SLC8A2: variants seen among roughly 807,000 people sequenced by gnomAD.
SLC8A2 encodes the protein sodium/calcium exchanger 2.
Under a neutral mutation model 70.2 loss-of-function variants are expected in SLC8A2, and 14 were observed. The observed-to-expected ratio is 0.20, with a 90% CI of 0.13 to 0.31. The LOEUF (loss-of-function observed/expected upper bound fraction) is 0.31, where lower values mean the gene tolerates loss of function less well. Among genes scored for constraint, SLC8A2 ranks in the 10% least tolerant of loss-of-function variants. The probability of loss-of-function intolerance (pLI) is 1.00; values close to 1 mark genes in which losing one functional copy is unlikely to be tolerated. For missense variants in SLC8A2, 779 were observed against 1,320.1 expected (o/e 0.59, Z 6.35); for synonymous variants, 575 against 594.3 (o/e 0.97, Z 0.47).
chr19:47,461,370 G>A (rs1288126198), intron 2 of SLC8A2, among the ~76,000 whole-genome samples: 2 of 151,994 alleles, frequency 1.3e-5, no homozygotes, highest in African/African-American at 2.4e-5. Context: ...TCAGCCAGGT[G>A]TGGTGGCGTG....
intron 6 of SLC8A2, among the ~76,000 whole-genome samples, chr19:47,440,519 C>A (rs1418178249): frequency 6.6e-6 from 1 of 152,298 alleles, no homozygotes; most frequent in South Asian, 2.1e-4. Flanking sequence ...CTCTGCCTCC[C>A]GGGTTCAAGC....
intron 6 of SLC8A2, among the ~76,000 whole-genome samples, chr19:47,439,854 G>A (rs957002472): frequency 2.6e-5 from 4 of 152,132 alleles, no homozygotes; most frequent in African/African-American, 9.7e-5. Flanking sequence ...AGTAGAGACA[G>A]GGTTTCACCA....
At position 47,452,427 on chromosome 19, in the gene SLC8A2, AGAGAGAGAGAGAGAGAGAGTGT is replaced by A. The variant is rs746030972; in HGVS notation, c.1341-4218_1341-4197del. ...GAGAGAGAGAGAGAGAGAGAGAGAG[AGAGAGAGAGAGAGAGAGAGTGT>A]GTGTGTGTGTGTGTGTGTGTGTGTG... On this transcript the variant is annotated intron_variant, in intron 3 of 9. Transcript: ENST00000236877. 3.3e-3 allele frequency among the ~76,000 whole-genome samples: 402 copies of A among 120,396 alleles called. 2 individuals are homozygous for A. Among genetic ancestry groups the A allele is most frequent in the African/African-American group, 6.4e-3 (199 of 31,262 alleles). The allele number at this position is 120,396 out of a possible 152,430, so 79.0% of individuals were successfully genotyped here.
At chr19:47,439,487 C>G (rs11881944) in intron 6 of SLC8A2, among the ~76,000 whole-genome samples, 1 of 151,876 alleles carries the variant, frequency 6.6e-6, no homozygotes, top group Non-Finnish European at 1.5e-5. Context: ...GAGCCGAGAT[C>G]GCACCATTGC....
chr19:47,451,894 C>T (rs1005738329), intron 3 of SLC8A2, among the ~76,000 whole-genome samples: 4 of 152,100 alleles, frequency 2.6e-5, no homozygotes, highest in African/African-American at 9.7e-5. Flanking sequence ...GAAACTGATC[C>T]AGACTGAAGG....
chr19:47,465,166 G>A lies in SLC8A2; in HGVS notation c.675+563C>T, dbSNP rs1355383434. On this transcript the variant is annotated intron_variant, in intron 2 of 9. Coordinates refer to ENST00000236877, the MANE Select transcript of SLC8A2 (RefSeq NM_015063.3). This position sits in a 1 kb window ranked among gnomAD's most constrained non-coding sequence, Gnocchi z 5.5. ...TGCAGATGTAGGTATATATCTATGCGAGCCCATGGATAAATTATGCAAATT... is the reference window on the plus strand; with the variant it reads ...TGCAGATGTAGGTATATATCTATGCAAGCCCATGGATAAATTATGCAAATT... 6.6e-6 allele frequency among the ~76,000 whole-genome samples: 1 copy of A among 152,126 alleles called. No homozygotes were observed. Among genetic ancestry groups the A allele is most frequent in the African/African-American group, 2.4e-5 (1 of 41,408 alleles).
rs973539695 is a variant in SLC8A2, at chr19:47,448,376, CAAGT to C, written c.1341-149_1341-146del. The C allele has an allele frequency of 2.4e-5, 15 of 635,916 alleles. No individual in the cohort carries two copies. Among genetic ancestry groups the C allele is most frequent in the Middle Eastern group, 4.0e-4 (1 of 2,526 alleles). 39.4% of individuals were successfully genotyped at this position (635,916 alleles called of 1,614,324 possible). ...AGTATGAGGGTCGACAGGCATTAAACAAGTAATACTGAGGGTGAATCGGGGTGGG... is the reference window on the plus strand; with the variant it reads ...AGTATGAGGGTCGACAGGCATTAAACAATACTGAGGGTGAATCGGGGTGGG... On this transcript the variant is annotated intron_variant, in intron 3 of 9. Transcript: ENST00000236877. This position sits in a 1 kb window ranked among gnomAD's most constrained non-coding sequence, Gnocchi z 4.8.
Position 47,465,888 on chromosome 19 carries a change from G to T in SLC8A2, c.516C>A (p.Asn172Lys). 1 of 1,614,136 alleles carries T rather than the reference G, an allele frequency of 6.2e-7. No homozygotes were observed. Among genetic ancestry groups the T allele is most frequent in the African/African-American group, 1.3e-5 (1 of 75,050 alleles). ...PGTIVGSAAF[N>K]MFVVIAVCIY... ...TGCACACGGCGATGACCACAAACAT[G>T]TTGAAGGCAGCGCTGCCCACGATGG... Residue 172 changes from asparagine (N) to lysine (K), a missense_variant, in exon 2 of 10, where the codon AAC becomes AAA. This residue lies in a region of SLC8A2 where 155 missense variants were observed against 318.6 expected (regional missense o/e 0.49). Transcript: ENST00000236877. The surrounding 1 kb of genome is among the most constrained non-coding windows in gnomAD (Gnocchi z 5.5).
intron 2 of SLC8A2, among the ~76,000 whole-genome samples, chr19:47,458,820 TTC>T (rs1022461830): frequency 2.7e-5 from 4 of 149,852 alleles, no homozygotes; most frequent in African/African-American, 9.8e-5. Context: ...CCGTCACCGT[TTC>T]TCTCTCTCCT....
Position 47,448,703 on chromosome 19 carries a change from C to CCGGGTTT in SLC8A2, c.1341-479_1341-473dup, listed in dbSNP as rs894189265. Among the ~76,000 whole-genome samples, 6 of 152,108 alleles carry CCGGGTTT rather than the reference C, an allele frequency of 3.9e-5. No individual in the cohort carries two copies. The highest frequency in any genetic ancestry group is 1.4e-4 in the African/African-American group (6 of 41,416). On this transcript the variant is annotated intron_variant, in intron 3 of 9. Coordinates refer to ENST00000236877, the MANE Select transcript of SLC8A2 (RefSeq NM_015063.3). The surrounding 1 kb of genome is among the most constrained non-coding windows in gnomAD (Gnocchi z 4.8). Reference sequence around the variant, plus strand: ...AATGCAGATTCTGGTTTAGAAGCTCCCGGGTTTCTAGAATCGCATTTCTAA... The same window carrying CCGGGTTT: ...AATGCAGATTCTGGTTTAGAAGCTCCCGGGTTTCGGGTTTCTAGAATCGCATTTCTAA...
chr19:47,460,201 C>A (rs545612128), intron 2 of SLC8A2, among the ~76,000 whole-genome samples: 71 of 152,296 alleles, frequency 4.7e-4, no homozygotes, highest in African/African-American at 1.7e-3. Flanking sequence ...CAGAGACACA[C>A]ATCTGGCTCT....
Position 47,468,570 on chromosome 19 carries a change from G to C in SLC8A2, c.-16-2151C>G, listed in dbSNP as rs924133690. ...CCCAAAGTGCTGGGATCACAGGTGC[G>C]TGCCACCGTGCCCCGCCCACTCTTC... is the stretch of plus-strand genomic sequence containing the variant. On this transcript the variant is annotated intron_variant, in intron 1 of 9. Coordinates refer to ENST00000236877, the MANE Select transcript of SLC8A2 (RefSeq NM_015063.3). This position sits in a 1 kb window ranked among gnomAD's most constrained non-coding sequence, Gnocchi z 5.1. Among the ~76,000 whole-genome samples, 4 of 152,132 alleles carry C rather than the reference G, an allele frequency of 2.6e-5. No homozygotes were observed. The highest frequency in any genetic ancestry group is 4.4e-5 in the Non-Finnish European group (3 of 68,024).
chr19:47,447,648 C>A lies in SLC8A2; in HGVS notation c.1763+161G>T. The A allele has an allele frequency of 1.4e-6, 1 of 689,770 alleles. No homozygotes were observed. The highest frequency in any genetic ancestry group is 2.3e-6 in the Non-Finnish European group (1 of 438,848). The allele number at this position is 689,770 out of a possible 1,614,324, so 42.7% of individuals were successfully genotyped here. A position where few individuals can be genotyped will look rare whatever the true frequency, so the allele number is the denominator to read the frequency against. On this transcript the variant is annotated intron_variant, in intron 4 of 9. Transcript: ENST00000236877. The surrounding 1 kb of genome is among the most constrained non-coding windows in gnomAD (Gnocchi z 5.1). The stretch of plus-strand genomic sequence containing the variant: ...GTGGGCATGGGTCACAGGCCCCGCC[C>A]ACGTTGCGGGCACGGCCACGCAGGC...
chr19:47,457,646 C>G (rs762541366), intron 2 of SLC8A2, 52 bp from the exon 3 acceptor site: 2 of 1,259,750 alleles, frequency 1.6e-6, no homozygotes, highest in Non-Finnish European at 2.2e-6. Context: ...TTCTCCCTCC[C>G]CGCCTCTCTG....
chr19:47,432,236 C>A lies in SLC8A2; in HGVS notation c.2320G>T (p.Gly774Cys). The change falls in exon 9 of 10, where the codon GGC becomes TGC. Residue 774 changes from glycine to cysteine, a missense_variant. Gly to Cys is a radical substitution (Grantham distance 159, BLOSUM62 -3). Coordinates refer to ENST00000236877, the MANE Select transcript of SLC8A2 (RefSeq NM_015063.3). This position sits in a 1 kb window ranked among gnomAD's most constrained non-coding sequence, Gnocchi z 6.2. ...GAGTCCTTGAGGCCAACGGTGCAGC[C>A]GAAGTGGGAGGCGAGGTCCCCAATG... ...ALIGDLASHFGCTVGLKDSVN... is the reference protein window; with the variant it reads ...ALIGDLASHFCCTVGLKDSVN... 6.2e-7 allele frequency: 1 copy of A among 1,613,968 alleles called. No homozygotes were observed. The highest frequency in any genetic ancestry group is 8.5e-7 in the Non-Finnish European group (1 of 1,179,946).
rs1371416233 is a variant in SLC8A2 at position 47,447,816 on chromosome 19, C to G, written c.1756G>C (p.Glu586Gln). 6.3e-7 allele frequency: 1 copy of G among 1,589,350 alleles called. No homozygotes were observed. The highest frequency in any genetic ancestry group is 1.7e-5 in the Admixed American group (1 of 58,668). ...ACGELEFGDDETMKTLQVKIV... is the reference protein window; with the variant it reads ...ACGELEFGDDQTMKTLQVKIV... ...CGCCTCGGGCGTGCTCACATGGTCT[C>G]GTCGTCGCCAAACTCCAGCTCTCCG... Residue 586 changes from glutamate to glutamine, a missense_variant, in exon 4 of 10, where the codon GAG becomes CAG. Glu to Gln is a conservative substitution (Grantham distance 29, BLOSUM62 2). Transcript: ENST00000236877. The surrounding 1 kb of genome is among the most constrained non-coding windows in gnomAD (Gnocchi z 5.1).
At chr19:47,439,482 G>A (rs1967071812) in intron 6 of SLC8A2, among the ~76,000 whole-genome samples, 1 of 151,870 alleles carries the variant, frequency 6.6e-6, no homozygotes, top group Non-Finnish European at 1.5e-5. Flanking sequence ...GCCATGAGCC[G>A]AGATCGCACC....
At chr19:47,471,313 A>T (rs1372161521) in intron 1 of SLC8A2, among the ~76,000 whole-genome samples, 1 of 151,994 alleles carries the variant, frequency 6.6e-6, no homozygotes, top group African/African-American at 2.4e-5. Flanking sequence ...ACTTAGAGAC[A>T]GAGCCCCAGA....
rs1030324900 is a variant in SLC8A2 at position 47,466,781 on chromosome 19, T to C, written c.-16-362A>G. On this transcript the variant is annotated intron_variant, in intron 1 of 9. Coordinates refer to ENST00000236877, the MANE Select transcript of SLC8A2 (RefSeq NM_015063.3). The surrounding 1 kb of genome is among the most constrained non-coding windows in gnomAD (Gnocchi z 6.9). ...CTAAAAGGACCTACAAGAATGTTCA[T>C]AGCAGGCCGGGTGCGGTGGCTACGC... Among the ~76,000 whole-genome samples the C allele has an allele frequency of 3.3e-5, 5 of 152,274 alleles. No individual in the cohort carries two copies. In the East Asian group the frequency reaches 7.7e-4, roughly 23 times the overall value.
Sources: allele counts gnomAD v4.1 joint callset (sites outside exome capture counted in the v4.1 genomes callset), GRCh38; gene constraint gnomAD v4.1.1; regional missense constraint gnomAD v4.1.1; non-coding constraint Gnocchi (gnomAD v3.1); transcripts MANE v1.5; gene names NCBI Gene and HGNC (gene_info 2026-07-23, HGNC 2026-07-21).